The following PCDHA5 variants were observed in gnomAD, a reference collection of about 807,000 sequenced individuals.
PCDHA5 encodes protocadherin alpha 5, also known as protocadherin alpha-5.
PCDHA5 carries 43 observed loss-of-function variants against 61.6 expected under a neutral mutation model. The observed-to-expected ratio is 0.70, with a 90% CI of 0.55 to 0.90. The LOEUF is 0.90. Among genes scored for constraint, PCDHA5 ranks in the 40% least tolerant of loss-of-function variants. PCDHA5 has a pLI of 0.00. For synonymous variants in PCDHA5, 627 were observed against 543.9 expected (o/e 1.15, Z -2.13); for missense variants, 1,298 against 1,222.7 (o/e 1.06, Z -0.92).
chr5:140,941,191 T>TTTTTTC (rs1554213809), intron 1 of PCDHA5, among the ~76,000 whole-genome samples: 1 of 93,206 alleles, frequency 1.1e-5, no homozygotes, highest in African/African-American at 3.9e-5. Context: ...GCTTCTTTTT[T>TTTTTTC]TTTCTTTCTT....
Position 140,841,926 on chromosome 5 carries a change from G to T in PCDHA5, c.2352+17799G>T, listed in dbSNP as rs1490008187. 5.6e-6 allele frequency: 9 copies of T among 1,613,806 alleles called. No individual in the cohort carries two copies. The Admixed American group carries it at 1.5e-4, about 27-fold the overall frequency. On this transcript the variant is annotated intron_variant, in intron 1 of 3. Transcript: ENST00000529859. ...CTCGTATTAAGAAAATCCTTGGACA[G>T]AGAGGACGCTCCTGCGCACCACTTA...
At chr5:140,966,470 T>G (rs782674249) in intron 1 of PCDHA5, 26 of 431,180 alleles carry the variant, frequency 6.0e-5, no homozygotes, top group Non-Finnish European at 9.3e-5. Context: ...TCTTCCCTTC[T>G]GTTTCCTTTT....
At chr5:140,857,736 C>T in intron 1 of PCDHA5, 2 of 1,597,364 alleles carry the variant, frequency 1.3e-6, no homozygotes, top group African/African-American at 1.3e-5. Flanking sequence ...AACGCTCCCG[C>T]GCTGCTGGCG....
chr5:140,848,542 T>G (rs2150412544), intron 1 of PCDHA5: 1 of 1,595,366 alleles, frequency 6.3e-7, no homozygotes, highest in Non-Finnish European at 8.6e-7. Context: ...CCTCTACTGC[T>G]CTCGCTTCTG....
At chr5:140,947,454 C>T (rs138457341) in intron 1 of PCDHA5, among the ~76,000 whole-genome samples, 1 of 151,582 alleles carries the variant, frequency 6.6e-6, no homozygotes, top group Non-Finnish European at 1.5e-5. Flanking sequence ...ATCCTCCAAC[C>T]TTGTTCTACT....
intron 3 of PCDHA5, among the ~76,000 whole-genome samples, chr5:140,999,199 A>G (rs1354176825): frequency 2.0e-5 from 3 of 152,228 alleles, no homozygotes; most frequent in Non-Finnish European, 4.4e-5. Context: ...CTTGGAAAAG[A>G]GAATTTCTGG....
chr5:140,883,315 G>A (rs782377860), intron 1 of PCDHA5: 1 of 1,614,104 alleles, frequency 6.2e-7, no homozygotes, highest in Admixed American at 1.7e-5. Flanking sequence ...ACGCCCCAGA[G>A]GTTACCATCA....
chr5:141,006,567 C>T (rs2098278386), intron 3 of PCDHA5, among the ~76,000 whole-genome samples: 1 of 152,030 alleles, frequency 6.6e-6, no homozygotes, highest in Admixed American at 6.6e-5. Flanking sequence ...ACTCTGGCTA[C>T]TGTGTGGAGG....
chr5:140,828,658 T>G, intron 1 of PCDHA5: 2 of 1,614,116 alleles, frequency 1.2e-6, no homozygotes, highest in Non-Finnish European at 1.7e-6. Flanking sequence ...GTGATGACAA[T>G]AAACAAATTG....
intron 1 of PCDHA5, among the ~76,000 whole-genome samples, chr5:140,964,144 C>A (rs970079716): frequency 6.6e-6 from 1 of 152,138 alleles, no homozygotes; most frequent in African/African-American, 2.4e-5. Context: ...TTGGCAGGAG[C>A]CTCAGTATAA....
intron 1 of PCDHA5, among the ~76,000 whole-genome samples, chr5:140,935,064 T>C (rs782620164): frequency 5.9e-5 from 9 of 152,252 alleles, no homozygotes; most frequent in Admixed American, 2.0e-4. Flanking sequence ...GATGTTCAGA[T>C]TATCTTGTAC....
intron 3 of PCDHA5, among the ~76,000 whole-genome samples, chr5:141,005,617 G>C (rs1419951778): frequency 6.7e-6 from 1 of 149,280 alleles, no homozygotes; most frequent in Non-Finnish European, 1.5e-5. Context: ...CAGGAGAATG[G>C]CGTGAACCCG....
At chr5:140,958,888 A>G (rs1563299951) in intron 1 of PCDHA5, among the ~76,000 whole-genome samples, 3 of 152,040 alleles carry the variant, frequency 2.0e-5, no homozygotes, top group African/African-American at 7.2e-5. Flanking sequence ...ACCAGTAGCT[A>G]TATAATAGAT....
intron 1 of PCDHA5, among the ~76,000 whole-genome samples, chr5:140,912,273 A>G (rs551128589): frequency 1.3e-5 from 2 of 151,890 alleles, no homozygotes; most frequent in South Asian, 4.2e-4. Flanking sequence ...TCACAGATAT[A>G]CCCAGGAACA....
At chr5:140,996,389 A>G (rs543903221) in intron 3 of PCDHA5, among the ~76,000 whole-genome samples, 3 of 152,328 alleles carry the variant, frequency 2.0e-5, no homozygotes, top group Admixed American at 1.3e-4. Context: ...ATAATGCCTC[A>G]TAGAGTTTCA....
At chr5:140,843,005 G>T in intron 1 of PCDHA5, 1 of 1,595,030 alleles carries the variant, frequency 6.3e-7, no homozygotes, top group East Asian at 2.2e-5. Flanking sequence ...GAATGACAAC[G>T]CGCCGGCACT....
At chr5:140,950,559 T>TAA (rs1381352344) in intron 1 of PCDHA5, among the ~76,000 whole-genome samples, 1 of 152,076 alleles carries the variant, frequency 6.6e-6, no homozygotes, top group African/African-American at 2.4e-5. Flanking sequence ...GGGGGACACT[T>TAA]ATTTTAAGGT....
At chr5:140,836,021 C>G in intron 1 of PCDHA5, 3 of 1,613,388 alleles carry the variant, frequency 1.9e-6, no homozygotes, top group Non-Finnish European at 2.5e-6. Flanking sequence ...CGCCTCTGGG[C>G]AGCAACGTGA....
At chr5:140,824,449 A>G in intron 1 of PCDHA5, 1 of 452,608 alleles carries the variant, frequency 2.2e-6, no homozygotes, top group South Asian at 3.3e-5. Flanking sequence ...TTATGACTAC[A>G]TGAAAATTTA....
Sources: allele counts gnomAD v4.1 joint callset (sites outside exome capture counted in the v4.1 genomes callset), GRCh38; gene constraint gnomAD v4.1.1; transcripts MANE v1.5; gene names NCBI Gene and HGNC (gene_info 2026-07-23, HGNC 2026-07-21).